The following GNG2 variants were observed in gnomAD, a reference collection of about 807,000 sequenced individuals.
GNG2 encodes the protein guanine nucleotide-binding protein G(I)/G(S)/G(O) subunit gamma-2.
GNG2 carries 5 observed loss-of-function variants against 5.5 expected under a neutral mutation model. That is an observed-to-expected ratio of 0.91 (90% CI 0.48 to 1.92). The LOEUF is 1.92. Among genes scored for constraint, GNG2 ranks in the 30% most tolerant of loss-of-function variants. The pLI is 0.01. For synonymous variants in GNG2, 28 were observed against 32.0 expected (o/e 0.88, Z 0.42); for missense variants, 55 against 88.4 (o/e 0.62, Z 1.52).
At position 51,853,840 on chromosome 14, in the gene GNG2, C is replaced by A. The variant is rs150092789; in HGVS notation, c.64+26033C>A. ...AACCTCTGTCACACTTTGCTGCTAA[C>A]TCCCTCTTCTTGATCTTGTTGCCCG... On this transcript the variant is annotated intron_variant, in intron 2 of 3. Coordinates refer to the GNG2 transcript ENST00000553432. Among the ~76,000 whole-genome samples the A allele has an allele frequency of 2.2e-4, 33 of 152,080 alleles. 1 individual carries two copies. In the East Asian group the frequency reaches 6.4e-3, roughly 29 times the overall value.
At chr14:51,831,808 A>G (rs1239524804) in intron 2 of GNG2, among the ~76,000 whole-genome samples, 1 of 152,248 alleles carries the variant, frequency 6.6e-6, no homozygotes. Context: ...AAAAAGTAAT[A>G]TAAAATTTTT....
chr14:51,891,922 G>A (rs1214303218), intron 2 of GNG2, among the ~76,000 whole-genome samples: 1 of 152,182 alleles, frequency 6.6e-6, no homozygotes, highest in Non-Finnish European at 1.5e-5. Flanking sequence ...ACATTCAGGA[G>A]TTTTTCTAGG....
In GNG2 at chr14:51,893,852, T is replaced by G. The variant is rs191942231; in HGVS notation, c.-30+16195T>G. Among the ~76,000 whole-genome samples the G allele has an allele frequency of 1.3e-3, 205 of 152,290 alleles. 1 individual carries two copies. Among genetic ancestry groups the G allele is most frequent in the African/African-American group, 4.8e-3 (200 of 41,596 alleles). On this transcript the variant is annotated intron_variant, in intron 2 of 3. Coordinates refer to ENST00000556766, the MANE Select transcript of GNG2 (RefSeq NM_053064.5). ...ACTTTAAAAACCCTCTTTTATCTAC[T>G]GAATTGGAACACTACTTTAGTCATA... is the stretch of plus-strand genomic sequence containing the variant.
intron 1 of GNG2, among the ~76,000 whole-genome samples, chr14:51,874,424 C>CAAA (rs71121671): frequency 0.014 from 1,305 of 95,722 alleles, 34 homozygotes; most frequent in Non-Finnish European, 0.02. Flanking sequence ...GACTCTGTCT[C>CAAA]AAAAAAAAAA....
At chr14:51,957,193 T>C (rs897848456) in intron 3 of GNG2, among the ~76,000 whole-genome samples, 2 of 152,158 alleles carry the variant, frequency 1.3e-5, no homozygotes, top group Non-Finnish European at 2.9e-5. Flanking sequence ...CCTCCAGCAG[T>C]TTATTCTTCC....
chr14:51,955,078 T>C, intron 3 of GNG2, among the ~76,000 whole-genome samples: 1 of 152,188 alleles, frequency 6.6e-6, no homozygotes, highest in Non-Finnish European at 1.5e-5. Context: ...AATGTAAATT[T>C]AAGAGTAAAA....
intron 2 of GNG2, among the ~76,000 whole-genome samples, chr14:51,908,227 C>T (rs967800147): frequency 3.3e-5 from 5 of 152,186 alleles, no homozygotes; most frequent in African/African-American, 1.2e-4. Flanking sequence ...ATAGACTGCT[C>T]ATGACCTGGC....
intron 1 of GNG2, among the ~76,000 whole-genome samples, chr14:51,870,542 A>G (rs1401211333): frequency 6.6e-6 from 1 of 152,264 alleles, no homozygotes; most frequent in Admixed American, 6.5e-5. Context: ...TGGGCCAAGT[A>G]ATGAGCTAGA....
chr14:51,848,515 G>C (rs572381223), intron 2 of GNG2, among the ~76,000 whole-genome samples: 83 of 152,286 alleles, frequency 5.5e-4, no homozygotes, highest in Middle Eastern at 6.8e-3. Context: ...AGTCTCAGGG[G>C]AGAGTACTGT....
intron 1 of GNG2, among the ~76,000 whole-genome samples, chr14:51,875,947 C>CT (rs10529707): frequency 7.1e-6 from 1 of 141,158 alleles, no homozygotes; most frequent in Admixed American, 7.1e-5. Flanking sequence ...ACATTTTTTT[C>CT]TTTTTTCCGA....
intron 3 of GNG2, among the ~76,000 whole-genome samples, chr14:51,955,150 C>T (rs1889207093): frequency 6.6e-6 from 1 of 152,080 alleles, no homozygotes; most frequent in African/African-American, 2.4e-5. Context: ...TTGGCTGCTC[C>T]ATAAATTGAC....
chr14:51,915,590 A>G (rs1270509566), intron 2 of GNG2, among the ~76,000 whole-genome samples: 2 of 152,232 alleles, frequency 1.3e-5, no homozygotes, highest in African/African-American at 4.8e-5. Context: ...TCTTTTATAA[A>G]GTGACTTTTT....
At chr14:51,865,500 T>C (rs1173871783) in intron 1 of GNG2, among the ~76,000 whole-genome samples, 1 of 152,176 alleles carries the variant, frequency 6.6e-6, no homozygotes, top group East Asian at 1.9e-4. Flanking sequence ...TAGGACATGC[T>C]AGAATGGTAG....
chr14:51,966,417 A>G, intron 3 of GNG2, 142 bp from the exon 4 acceptor site: 1 of 710,854 alleles, frequency 1.4e-6, no homozygotes. Context: ...TTCTTTGCAG[A>G]TGAGGAAGCA....
intron 2 of GNG2, chr14:51,827,813 C>T (rs1350236411): frequency 5.9e-6 from 4 of 683,180 alleles, no homozygotes; most frequent in Non-Finnish European, 1.1e-5. Flanking sequence ...CAAAGGTAGG[C>T]TTCAACAAAT....
intron 2 of GNG2, among the ~76,000 whole-genome samples, chr14:51,935,856 C>T (rs1034442669): frequency 2.0e-5 from 3 of 151,820 alleles, no homozygotes; most frequent in Admixed American, 1.3e-4. Flanking sequence ...AGAGAGAGAG[C>T]GATGTTTTCT....
intron 2 of GNG2, among the ~76,000 whole-genome samples, chr14:51,934,671 C>T (rs911352037): frequency 1.3e-5 from 2 of 152,182 alleles, no homozygotes; most frequent in Non-Finnish European, 2.9e-5. Flanking sequence ...CACACTGACT[C>T]CCACGTTCTC....
chr14:51,953,771 AGAAGTCTTTTC>A (rs1354121333), intron 3 of GNG2, among the ~76,000 whole-genome samples: 7 of 152,188 alleles, frequency 4.6e-5, no homozygotes, highest in African/African-American at 7.2e-5. Context: ...ATCTGCCTTT[AGAAGTCTTTTC>A]AAGGCTTTTG....
chr14:51,917,253 G>C (rs761893450), intron 2 of GNG2: 2 of 428,822 alleles, frequency 4.7e-6, no homozygotes, highest in Admixed American at 5.1e-5. Context: ...ATATCCACCA[G>C]TCAGCACACT....
Sources: allele counts gnomAD v4.1 joint callset (sites outside exome capture counted in the v4.1 genomes callset), GRCh38; gene constraint gnomAD v4.1.1; transcripts MANE v1.5; gene names NCBI Gene and HGNC (gene_info 2026-07-23, HGNC 2026-07-21).